The following IDH3A variants were observed in gnomAD, a reference collection of about 807,000 sequenced individuals.
IDH3A encodes isocitrate dehydrogenase (NAD(+)) 3 catalytic subunit alpha.
Under a neutral mutation model 43.3 loss-of-function variants are expected in IDH3A, and 23 were observed. The ratio of observed to expected loss-of-function variants is 0.53; its 90% CI spans 0.38 to 0.75. IDH3A has a LOEUF of 0.75. IDH3A is among the 30% of genes least tolerant of loss of function. IDH3A has a pLI of 0.00. For missense variants in IDH3A, 329 were observed against 474.4 expected (o/e 0.69, Z 2.85); for synonymous variants, 154 against 163.5 (o/e 0.94, Z 0.44).
At position 78,149,389 on chromosome 15, in the gene IDH3A, C is replaced by T. The variant is rs1001940383; in HGVS notation, c.-15C>T. 2 of 1,541,572 alleles carry T rather than the reference C, an allele frequency of 1.3e-6. No individual in the cohort carries two copies. The highest frequency in any genetic ancestry group is 2.5e-5 in the East Asian group (1 of 39,932). The stretch of plus-strand genomic sequence containing the variant: ...TGCCGCTGCGGCTGTTGCTGCGGAG[C>T]CAGGAGGGGAAGCGATGGCTGGGCC... On this transcript the variant is annotated 5_prime_UTR_variant, in exon 1 of 11. Transcript: ENST00000299518.
chr15:78,152,542 T>TA (rs1383703889), intron 1 of IDH3A, among the ~76,000 whole-genome samples: 3 of 151,554 alleles, frequency 2.0e-5, no homozygotes, highest in Non-Finnish European at 2.9e-5. Context: ...GTATTTTTAG[T>TA]AGAGACAGGG....
chr15:78,168,744 C>T (rs1052355464), intron 10 of IDH3A, 178 bp from the exon 11 acceptor site: 23 of 558,154 alleles, frequency 4.1e-5, no homozygotes, highest in South Asian at 9.4e-5. Flanking sequence ...GATTGGATCC[C>T]GATCCTCCTG....
chr15:78,159,754 G>A (rs560693167), intron 3 of IDH3A, among the ~76,000 whole-genome samples: 7 of 152,280 alleles, frequency 4.6e-5, no homozygotes, highest in African/African-American at 1.4e-4. Context: ...ACTTTGGGAG[G>A]CCGAAGTGGG....
At chr15:78,162,187 G>T (rs752790481) in intron 5 of IDH3A, 47 bp from the exon 6 acceptor site, 1 of 1,609,798 alleles carries the variant, frequency 6.2e-7, no homozygotes, top group Non-Finnish European at 8.5e-7. Flanking sequence ...CTCCCACTGC[G>T]TTGCTGTCAC....
intron 1 of IDH3A, among the ~76,000 whole-genome samples, chr15:78,150,576 C>A (rs2074565762): frequency 6.6e-6 from 1 of 152,170 alleles, no homozygotes; most frequent in African/African-American, 2.4e-5. Context: ...CTGTGTGACC[C>A]TAAGCAAATT....
rs2074692158 is a variant in IDH3A at position 78,162,464 on chromosome 15, C to T, written c.611+97C>T. 8.2e-6 allele frequency: 11 copies of T among 1,337,278 alleles called. No homozygotes were observed. The South Asian group carries it at 1.5e-4, about 18-fold the overall frequency. 82.8% of individuals were successfully genotyped at this position (1,337,278 alleles called of 1,614,324 possible). A position where few individuals can be genotyped will look rare whatever the true frequency, so the allele number is the denominator to read the frequency against. On this transcript the variant is annotated intron_variant, in intron 6 of 10. Transcript: ENST00000299518. ...TCCTCTTCAGCTTGTTCCTTGATTC[C>T]TAATATCTTTGAAAAAGAACTTTGT... is the stretch of plus-strand genomic sequence containing the variant.
chr15:78,164,186 CCT>C (rs2074712481), intron 8 of IDH3A, among the ~76,000 whole-genome samples: 1 of 151,934 alleles, frequency 6.6e-6, no homozygotes, highest in Non-Finnish European at 1.5e-5. Context: ...TACTCAGCAC[CCT>C]GATTCCACAT....
In IDH3A at chr15:78,149,435, G is replaced by A. The variant is rs755329500; in HGVS notation, c.27+5G>A. 28 of 1,540,930 alleles carry A rather than the reference G, an allele frequency of 1.8e-5. No homozygotes were observed. Among genetic ancestry groups the A allele is most frequent in the Non-Finnish European group, 2.3e-5 (26 of 1,150,794 alleles). ...GGGCCCGCGTGGATCTCTAAGGTGA[G>A]CGCTGGCAGGCCGGCGTGTGGCAGG... On this transcript the variant is annotated splice_donor_5th_base_variant and intron_variant, in intron 1 of 10. Transcript: ENST00000299518.
chr15:78,153,890 G>A (rs1436394049), intron 1 of IDH3A, among the ~76,000 whole-genome samples: 1 of 152,010 alleles, frequency 6.6e-6, no homozygotes, highest in East Asian at 1.9e-4. Flanking sequence ...GCATGGTGGT[G>A]CATCCCTGTA....
intron 6 of IDH3A, among the ~76,000 whole-genome samples, chr15:78,162,880 A>G (rs2074699368): frequency 6.6e-6 from 1 of 152,172 alleles, no homozygotes; most frequent in African/African-American, 2.4e-5. Flanking sequence ...CCCTGGGCGA[A>G]TGACAGGAGC....
intron 1 of IDH3A, among the ~76,000 whole-genome samples, chr15:78,150,010 C>T (rs988226010): frequency 1.3e-5 from 2 of 152,242 alleles, no homozygotes; most frequent in Admixed American, 6.5e-5. Context: ...CCAGTCAGAC[C>T]TCTAGTGCTC....
chr15:78,155,681 T>TCA, intron 2 of IDH3A: 1 of 179,630 alleles, frequency 5.6e-6, no homozygotes, highest in Non-Finnish European at 1.2e-5. Context: ...ACCCAGTAGA[T>TCA]TGAGTGCCAA....
intron 8 of IDH3A, among the ~76,000 whole-genome samples, chr15:78,164,162 AAAG>A (rs2074712176): frequency 6.6e-6 from 1 of 152,166 alleles, no homozygotes; most frequent in Admixed American, 6.5e-5. Flanking sequence ...AGAATAGTAC[AAAG>A]AATTCCCTTG....
Position 78,168,905 on chromosome 15 carries a change from C to T in IDH3A, c.1018-17C>T. 1 of 1,555,164 alleles carries T rather than the reference C, an allele frequency of 6.4e-7. No individual in the cohort carries two copies. ...TTTGCGGATACATCTTTTATTTTTG[C>T]TTTTTCCTTTTCTCAGAGCTTGACA... is the stretch of plus-strand genomic sequence containing the variant. On this transcript the variant is annotated splice_polypyrimidine_tract_variant and intron_variant, in intron 10 of 10. Coordinates refer to ENST00000299518, the MANE Select transcript of IDH3A (RefSeq NM_005530.3).
Position 78,161,802 on chromosome 15 carries a change from T to C in IDH3A, c.477+34T>C, listed in dbSNP as rs1224369086. ...ACTCCAGATTCTTTTTTATTCCTGC[T>C]TGGACTGCTTTCTGTGCATCTGGGA... On this transcript the variant is annotated intron_variant, in intron 5 of 10. Coordinates refer to ENST00000299518, the MANE Select transcript of IDH3A (RefSeq NM_005530.3). The surrounding 1 kb of genome is among the most constrained non-coding windows in gnomAD (Gnocchi z 4.8). 5.7e-6 allele frequency: 9 copies of C among 1,571,932 alleles called. 1 individual carries two copies. The highest frequency in any genetic ancestry group is 2.7e-5 in the African/African-American group (2 of 73,988).
At position 78,170,219 on chromosome 15, in the gene IDH3A, T is replaced by C. The variant is rs2074803178; in HGVS notation, c.*1214T>C. Reference sequence around the variant, plus strand: ...CCCTTCTCCTCTGCTGCAGCATGATTTTCTTAATCTTCAGACACTCACTAT... The same window carrying C: ...CCCTTCTCCTCTGCTGCAGCATGATCTTCTTAATCTTCAGACACTCACTAT... On this transcript the variant is annotated 3_prime_UTR_variant, in exon 11 of 11. Coordinates refer to ENST00000299518, the MANE Select transcript of IDH3A (RefSeq NM_005530.3). 6.6e-6 allele frequency: 1 copy of C among 152,170 alleles called. No individual in the cohort carries two copies. The highest frequency in any genetic ancestry group is 2.1e-4 in the South Asian group (1 of 4,822). 9.4% of individuals were successfully genotyped at this position (152,170 alleles called of 1,614,324 possible). A position where few individuals can be genotyped will look rare whatever the true frequency, so the allele number is the denominator to read the frequency against.
chr15:78,165,113 G>C, intron 9 of IDH3A, 37 bp downstream of exon 9: 1 of 1,292,700 alleles, frequency 7.7e-7, no homozygotes, highest in South Asian at 1.2e-5. Context: ...ACTCAGGTCA[G>C]AACAGCGTGT....
Position 78,169,034 on chromosome 15 carries a change from C to A in IDH3A, c.*29C>A. The A allele has an allele frequency of 1.4e-6, 2 of 1,385,008 alleles. No homozygotes were observed. Among genetic ancestry groups the A allele is most frequent in the South Asian group, 2.3e-5 (2 of 85,482 alleles). The allele number at this position is 1,385,008 out of a possible 1,614,324, so 85.8% of individuals were successfully genotyped here. On this transcript the variant is annotated 3_prime_UTR_variant, in exon 11 of 11. Transcript: ENST00000299518. ...TTCTACAACTGGCATTTACATCAGTCACTCTAAATGGACACCACATGAACC... is the reference window on the plus strand; with the variant it reads ...TTCTACAACTGGCATTTACATCAGTAACTCTAAATGGACACCACATGAACC...
rs776562210 is a variant in IDH3A at position 78,162,273 on chromosome 15, G to A, written c.517G>A (p.Glu173Lys). 4 of 1,614,166 alleles carry A rather than the reference G, an allele frequency of 2.5e-6. No homozygotes were observed. The highest frequency in any genetic ancestry group is 8.5e-7 in the Non-Finnish European group (1 of 1,180,020). The change falls in exon 6 of 11, where the codon GAG becomes AAG. Residue 173 changes from glutamate to lysine, a missense_variant. Coordinates refer to ENST00000299518, the MANE Select transcript of IDH3A (RefSeq NM_005530.3). The stretch of plus-strand genomic sequence containing the variant: ...CGTGCAGAGTATCAAGCTCATCACC[G>A]AGGGGGCGAGCAAGCGCATTGCTGA... ...GVVQSIKLIT[E>K]GASKRIAEFA... is the part of the protein sequence containing the mutation.
Sources: gnomAD v4.1 joint callset for allele counts (sites outside exome capture counted in the v4.1 genomes callset) on GRCh38, gnomAD v4.1.1 for gene constraint, Gnocchi (gnomAD v3.1) non-coding constraint, MANE v1.5 for transcripts, NCBI Gene and HGNC (gene_info 2026-07-23, HGNC 2026-07-21) for gene names.